Variants in WDR27 observed in about 807,000 individuals in gnomAD.
WDR27 encodes the protein WD repeat domain 27.
A neutral mutation model predicts 114.4 loss-of-function variants in WDR27; 100 were observed. That is an observed-to-expected ratio of 0.87 (90% CI 0.74 to 1.03). WDR27 has a LOEUF of 1.03. Among genes scored for constraint, WDR27 ranks in the 50% least tolerant of loss-of-function variants. The pLI is 0.00. For missense variants in WDR27, 1,129 were observed against 1,092.9 expected, an observed-to-expected ratio of 1.03 and a Z score of -0.47; for synonymous variants, 449 against 423.1, an observed-to-expected ratio of 1.06 and a Z score of -0.75.
intron 21 of WDR27, among the ~76,000 whole-genome samples, chr6:169,623,161 C>A (rs1188679131): frequency 6.6e-6 from 1 of 152,044 alleles, no homozygotes; most frequent in East Asian, 1.9e-4. Context: ...CAGCTGGTAC[C>A]CCACCCGATC....
chr6:169,640,650 G>A (rs1818914619), intron 17 of WDR27, among the ~76,000 whole-genome samples: 1 of 152,356 alleles, frequency 6.6e-6, no homozygotes, highest in Middle Eastern at 3.4e-3. Context: ...AATATCGCAG[G>A]TTCACAGACA....
chr6:169,665,658 T>TA, intron 6 of WDR27, 102 bp from the exon 7 acceptor site: 1 of 1,092,926 alleles, frequency 9.1e-7, no homozygotes, highest in South Asian at 1.7e-5. Flanking sequence ...AATATTTACT[T>TA]ACAGTATTTC....
At chr6:169,687,824 T>C (rs1244253974) in intron 2 of WDR27, among the ~76,000 whole-genome samples, 1 of 152,158 alleles carries the variant, frequency 6.6e-6, no homozygotes, top group Non-Finnish European at 1.5e-5. Flanking sequence ...TTCTATAGTT[T>C]TGACCCACAT....
Position 169,554,632 on chromosome 6 carries a change from C to T in WDR27, c.2645+17787G>A, listed in dbSNP as rs371074099. On this transcript the variant is annotated intron_variant, in intron 25 of 25. Transcript: ENST00000448612. ...CAAAGCAAACACTGTTCCCGTGTGGCTTCTGTGCCACCCGGTTCTTCTGCG... is the reference window on the plus strand; with the variant it reads ...CAAAGCAAACACTGTTCCCGTGTGGTTTCTGTGCCACCCGGTTCTTCTGCG... Among the ~76,000 whole-genome samples the T allele has an allele frequency of 1.8e-4, 27 of 152,296 alleles. No homozygotes were observed. The East Asian group carries it at 4.6e-3, about 26-fold the overall frequency.
At chr6:169,502,576 T>C (rs1338712237) in intron 25 of WDR27, among the ~76,000 whole-genome samples, 1 of 152,162 alleles carries the variant, frequency 6.6e-6, no homozygotes, top group Non-Finnish European at 1.5e-5. Flanking sequence ...CATTTCCGTG[T>C]CTTTCCCAGC....
At chr6:169,618,649 A>AC (rs1812448955) in intron 21 of WDR27, among the ~76,000 whole-genome samples, 1 of 150,516 alleles carries the variant, frequency 6.6e-6, no homozygotes, top group Non-Finnish European at 1.5e-5. Context: ...AAAAAAAAAA[A>AC]CATTATTGAT....
intron 25 of WDR27, among the ~76,000 whole-genome samples, chr6:169,527,150 C>T (rs1209212974): frequency 6.6e-6 from 1 of 151,700 alleles, no homozygotes; most frequent in African/African-American, 2.4e-5. Context: ...TACATATACA[C>T]AAATAATTGA....
the WDR27 span, among the ~76,000 whole-genome samples, chr6:169,430,774 T>A: frequency 6.6e-6 from 1 of 152,170 alleles, no homozygotes; most frequent in Non-Finnish European, 1.5e-5. Context: ...CGTAAATGAA[T>A]CTTTTCTTGT....
chr6:169,666,733 A>G, intron 6 of WDR27: 3 of 991,774 alleles, frequency 3.0e-6, no homozygotes, highest in Non-Finnish European at 2.4e-6. Context: ...GGACCTGACC[A>G]TGAGGCCAGG....
chr6:169,553,659 GC>G (rs1798495955), intron 25 of WDR27, among the ~76,000 whole-genome samples: 2 of 152,180 alleles, frequency 1.3e-5, no homozygotes, highest in Admixed American at 1.3e-4. Context: ...TTTAAGGCCT[GC>G]TTTGAAGGCT....
chr6:169,570,168 T>C (rs2294497), intron 25 of WDR27, among the ~76,000 whole-genome samples: 45,682 of 152,068 alleles, frequency 0.3, 7,723 homozygotes, highest in African/African-American at 0.45. Context: ...ACAACACTCA[T>C]GGCCACAAGG....
At chr6:169,666,422 G>A (rs1312531619) in intron 6 of WDR27, 15 of 985,294 alleles carry the variant, frequency 1.5e-5, no homozygotes, top group Non-Finnish European at 2.4e-6. Context: ...CTTACCGCAT[G>A]GAAGAACGCT....
chr6:169,522,646 G>C (rs1409296368), intron 25 of WDR27, among the ~76,000 whole-genome samples: 3 of 151,824 alleles, frequency 2.0e-5, no homozygotes, highest in African/African-American at 7.2e-5. Context: ...AATAAAACTA[G>C]ATATCAATAA....
intron 22 of WDR27, among the ~76,000 whole-genome samples, chr6:169,604,140 A>G (rs1011110097): frequency 6.6e-6 from 1 of 152,216 alleles, no homozygotes; most frequent in Non-Finnish European, 1.5e-5. Context: ...AGAGACCAAC[A>G]AAACAATTTA....
At chr6:169,584,476 T>C (rs962636605) in intron 23 of WDR27, among the ~76,000 whole-genome samples, 1 of 152,204 alleles carries the variant, frequency 6.6e-6, no homozygotes, top group African/African-American at 2.4e-5. Flanking sequence ...CTACTGTCAC[T>C]GTTCTCTATA....
At chr6:169,476,735 AT>A (rs1787233184) in intron 25 of WDR27, among the ~76,000 whole-genome samples, 1 of 152,056 alleles carries the variant, frequency 6.6e-6, no homozygotes, top group African/African-American at 2.4e-5. Context: ...AGGAAATCTT[AT>A]TTTTAAGTTT....
chr6:169,435,211 G>C, the WDR27 span, among the ~76,000 whole-genome samples: 1 of 152,242 alleles, frequency 6.6e-6, no homozygotes. Context: ...AGGATGTATG[G>C]AAACACCTGG....
chr6:169,624,703 T>C (rs1056116463), intron 21 of WDR27, among the ~76,000 whole-genome samples: 7 of 152,224 alleles, frequency 4.6e-5, no homozygotes, highest in Admixed American at 1.3e-4. Flanking sequence ...CCATGAGAGT[T>C]TGACAACCAC....
At position 169,659,665 on chromosome 6, in the gene WDR27, A is replaced by G; in HGVS notation, c.1130-147T>C. On this transcript the variant is annotated intron_variant, in intron 10 of 25. Transcript: ENST00000448612. This position sits in a 1 kb window ranked among gnomAD's most constrained non-coding sequence, Gnocchi z 4.3. ...CCACACACTTTGCAGGCTGTGCACCACATCCTCACACATACAAGGCCCCAG... is the reference window on the plus strand; with the variant it reads ...CCACACACTTTGCAGGCTGTGCACCGCATCCTCACACATACAAGGCCCCAG... The G allele has an allele frequency of 1.4e-6, 1 of 703,096 alleles. No homozygotes were observed. The highest frequency in any genetic ancestry group is 1.7e-5 in the South Asian group (1 of 59,122). 43.6% of individuals were successfully genotyped at this position (703,096 alleles called of 1,614,324 possible).
Sources: allele counts gnomAD v4.1 joint callset (sites outside exome capture counted in the v4.1 genomes callset), GRCh38; gene constraint gnomAD v4.1.1; non-coding constraint Gnocchi (gnomAD v3.1); transcripts MANE v1.5; gene names NCBI Gene and HGNC (gene_info 2026-07-23, HGNC 2026-07-21).